Variants in P2RX1 observed in about 807,000 individuals in gnomAD.
P2RX1 encodes the protein purinergic receptor P2X 1.
In P2RX1, 42 loss-of-function variants were observed where a neutral mutation model predicts 50.3. That is an observed-to-expected ratio of 0.83 (90% CI 0.65 to 1.08). The LOEUF (loss-of-function observed/expected upper bound fraction) is 1.08. Ranked by LOEUF, P2RX1 falls within the 50% of genes least tolerant of loss-of-function variation. P2RX1 has a pLI of 0.00. For synonymous variants in P2RX1, 199 were observed against 202.6 expected, an observed-to-expected ratio of 0.98 and a Z score of 0.15; for missense variants, 449 against 529.0, an observed-to-expected ratio of 0.85 and a Z score of 1.48.
At chr17:3,898,674 A>G (rs2056078973) in intron 9 of P2RX1, 125 bp from the exon 10 acceptor site, 4 of 781,490 alleles carry the variant, frequency 5.1e-6, no homozygotes, top group Admixed American at 4.0e-5. Flanking sequence ...CGGACTCTAC[A>G]TGGGCCACCA....
Position 3,898,482 on chromosome 17 carries a change from A to C in P2RX1, c.1032+2T>G, listed in dbSNP as rs1208736425. 1.2e-6 allele frequency: 2 copies of C among 1,612,920 alleles called. No homozygotes were observed. The highest frequency in any genetic ancestry group is 4.5e-5 in the East Asian group (2 of 44,864). ...CAGTGAGCCGGTGACCCCAGCACTT[A>C]CCACCCCAAAGATGCCAATTCCAGA... On this transcript the variant is annotated splice_donor_variant, in intron 10 of 11. Coordinates refer to ENST00000225538, the MANE Select transcript of P2RX1 (RefSeq NM_002558.4). LOFTEE classifies it high-confidence loss of function.
At chr17:3,908,794 G>A (rs1045425843) in intron 1 of P2RX1, among the ~76,000 whole-genome samples, 1 of 152,196 alleles carries the variant, frequency 6.6e-6, no homozygotes, top group African/African-American at 2.4e-5. Flanking sequence ...TCTCAAGGAA[G>A]AGGCCACAGG....
At position 3,896,842 on chromosome 17, in the gene P2RX1, TG is replaced by T. The variant is rs1362288019; in HGVS notation, c.*971del. The T allele has an allele frequency of 6.6e-6, 1 of 152,292 alleles. No individual in the cohort carries two copies. The highest frequency in any genetic ancestry group is 1.9e-4 in the East Asian group (1 of 5,204). 9.4% of individuals were successfully genotyped at this position (152,292 alleles called of 1,614,324 possible). A position where few individuals can be genotyped will look rare whatever the true frequency, so the allele number is the denominator to read the frequency against. On this transcript the variant is annotated 3_prime_UTR_variant, in exon 12 of 12. Coordinates refer to ENST00000225538, the MANE Select transcript of P2RX1 (RefSeq NM_002558.4). ...ATGGCACGGACCATGTGTGTGTGCTTGGGGGTGTAGATGTGTGTAGATGGTT... is the reference window on the plus strand; with the variant it reads ...ATGGCACGGACCATGTGTGTGTGCTTGGGGTGTAGATGTGTGTAGATGGTT...
Position 3,903,879 on chromosome 17 carries a change from G to A in P2RX1, c.524+49C>T, listed in dbSNP as rs74753845. 3 of 1,481,660 alleles carry A rather than the reference G, an allele frequency of 2.0e-6. No homozygotes were observed. Among genetic ancestry groups the A allele is most frequent in the South Asian group, 2.3e-5 (2 of 88,320 alleles). The allele number at this position is 1,481,660 out of a possible 1,614,324, so 91.8% of individuals were successfully genotyped here. A position where few individuals can be genotyped will look rare whatever the true frequency, so the allele number is the denominator to read the frequency against. ...CCTTTCTAGACCTAGGCCCCCCTCT[G>A]TCTGGCCTGGGACCCTGTTCTTAGC... is the stretch of plus-strand genomic sequence containing the variant. On this transcript the variant is annotated intron_variant, in intron 5 of 11. Coordinates refer to ENST00000225538, the MANE Select transcript of P2RX1 (RefSeq NM_002558.4). The surrounding 1 kb of genome is among the most constrained non-coding windows in gnomAD (Gnocchi z 4.6).
chr17:3,915,351 C>T, intron 1 of P2RX1: 3 of 415,116 alleles, frequency 7.2e-6, no homozygotes, highest in South Asian at 5.2e-5. Flanking sequence ...CACACCCAGA[C>T]ACATATAGGC....
At chr17:3,906,095 G>A (rs550137288) in intron 1 of P2RX1, among the ~76,000 whole-genome samples, 1 of 152,232 alleles carries the variant, frequency 6.6e-6, no homozygotes, top group East Asian at 1.9e-4. Flanking sequence ...AATCCCCTGT[G>A]CCTCAGTTTC....
At chr17:3,901,378 G>A (rs968081051) in intron 7 of P2RX1, among the ~76,000 whole-genome samples, 1 of 152,166 alleles carries the variant, frequency 6.6e-6, no homozygotes, top group Admixed American at 6.5e-5. Flanking sequence ...TGATGACAGG[G>A]AGATTTTTAG....
chr17:3,906,810 CCAAT>C (rs1318193103), intron 1 of P2RX1, among the ~76,000 whole-genome samples: 3 of 152,222 alleles, frequency 2.0e-5, no homozygotes, highest in Non-Finnish European at 4.4e-5. Context: ...CCAAGGCTTG[CCAAT>C]CAATGTTCCA....
intron 7 of P2RX1, among the ~76,000 whole-genome samples, chr17:3,901,876 G>A (rs867164085): frequency 4.6e-5 from 7 of 151,896 alleles, no homozygotes; most frequent in African/African-American, 1.2e-4. Flanking sequence ...CTTGACCCTC[G>A]GGGCGACCCC....
intron 1 of P2RX1, among the ~76,000 whole-genome samples, chr17:3,907,535 C>G (rs779703440): frequency 4.6e-5 from 7 of 152,158 alleles, no homozygotes; most frequent in Non-Finnish European, 7.4e-5. Flanking sequence ...AGTCACCTCT[C>G]TCCCTGCTGC....
intron 2 of P2RX1, 34 bp from the exon 3 acceptor site, chr17:3,904,963 G>GGGGGGGGGGGCC: frequency 2.3e-6 from 1 of 435,312 alleles, no homozygotes; most frequent in Non-Finnish European, 4.7e-6. Flanking sequence ...GGTGGGGTGG[G>GGGGGGGGGGGCC]CTGGGAGCTG....
At position 3,899,729 on chromosome 17, in the gene P2RX1, GT is replaced by G; in HGVS notation, c.779del (p.His260ProfsTer73). ...GCCGTACGTGCCAGTCCAGGTCACA[GT>G]GCCAGTCGATGGTGATGCCAACCAC... ...GGVVGITIDW[H>X]CDLDWHVRHC... On this transcript the variant is annotated frameshift_variant, in exon 8 of 12. Coordinates refer to ENST00000225538, the MANE Select transcript of P2RX1 (RefSeq NM_002558.4). LOFTEE classifies it high-confidence loss of function. 1 of 1,614,010 alleles carries G rather than the reference GT, an allele frequency of 6.2e-7. No individual in the cohort carries two copies. The highest frequency in any genetic ancestry group is 8.5e-7 in the Non-Finnish European group (1 of 1,179,912).
intron 1 of P2RX1, chr17:3,915,680 C>A (rs1376490079): frequency 6.5e-6 from 3 of 463,218 alleles, no homozygotes; most frequent in South Asian, 1.5e-5. Flanking sequence ...CTCTCTCTAA[C>A]TTGTCATATG....
chr17:3,905,847 CAAAA>C (rs60059213), intron 1 of P2RX1, among the ~76,000 whole-genome samples: 68 of 103,176 alleles, frequency 6.6e-4, no homozygotes, highest in South Asian at 1.7e-3. Context: ...AATTCTGTCT[CAAAA>C]AAAAAAAAAA....
chr17:3,904,084 C>T, intron 4 of P2RX1, 60 bp from the exon 5 acceptor site: 1 of 1,381,030 alleles, frequency 7.2e-7, no homozygotes, highest in Non-Finnish European at 1.0e-6. Context: ...GCCCCAGACC[C>T]CTTCTCCAGG....
At chr17:3,898,343 T>C in intron 10 of P2RX1, 141 bp downstream of exon 10, 2 of 789,974 alleles carry the variant, frequency 2.5e-6, no homozygotes, top group Admixed American at 2.0e-5. Context: ...ATCTATGTAG[T>C]TGGTGGGGTG....
At chr17:3,897,935 C>G in intron 11 of P2RX1, 56 bp from the exon 12 acceptor site, 6 of 1,607,554 alleles carry the variant, frequency 3.7e-6, no homozygotes, top group Non-Finnish European at 5.1e-6. Context: ...GAAGCAGCTG[C>G]CCACGCCCCC....
intron 7 of P2RX1, 32 bp from the exon 8 acceptor site, chr17:3,899,793 A>G (rs1283765192): frequency 1.2e-6 from 2 of 1,611,086 alleles, no homozygotes; most frequent in Non-Finnish European, 1.7e-6. Flanking sequence ...AAGATCTGGG[A>G]TTTCAGGATC....
intron 4 of P2RX1, 27 bp from the exon 5 acceptor site, chr17:3,904,051 G>A (rs763049456): frequency 8.9e-6 from 14 of 1,578,690 alleles, no homozygotes; most frequent in Middle Eastern, 1.7e-4. Flanking sequence ...ACCCCTGGGT[G>A]CCTGCACTAA....
Sources: gnomAD v4.1 joint callset for allele counts (sites outside exome capture counted in the v4.1 genomes callset) on GRCh38, gnomAD v4.1.1 for gene constraint, Gnocchi (gnomAD v3.1) non-coding constraint, MANE v1.5 for transcripts, NCBI Gene and HGNC (gene_info 2026-07-23, HGNC 2026-07-21) for gene names.